LRFN2: variants seen among roughly 807,000 people sequenced by gnomAD.
LRFN2 encodes leucine-rich repeat and fibronectin type-III domain-containing protein 2.
Under a neutral mutation model 37.3 loss-of-function variants are expected in LRFN2, and 18 were observed. The ratio of observed to expected loss-of-function variants is 0.48; its 90% CI spans 0.33 to 0.72. The LOEUF (loss-of-function observed/expected upper bound fraction) is 0.72, where lower values mean the gene tolerates loss of function less well. Among genes scored for constraint, LRFN2 ranks in the 30% least tolerant of loss-of-function variants. LRFN2 has a pLI of 0.02. For missense variants in LRFN2, 1,006 were observed against 1,060.7 expected (o/e 0.95, Z 0.72); for synonymous variants, 556 against 466.6 (o/e 1.19, Z -2.47).
intron 1 of LRFN2, among the ~76,000 whole-genome samples, chr6:40,551,497 C>T (rs1048188698): frequency 6.6e-6 from 1 of 152,206 alleles, no homozygotes. Flanking sequence ...TACCCTTGAT[C>T]GTTTCAACTA....
rs112922535 is a variant in LRFN2, at chr6:40,532,481, G to A, written c.-19+54460C>T. On this transcript the variant is annotated intron_variant, in intron 1 of 2. Transcript: ENST00000338305. ...CCATTATTCTCATTTCATAGATGAAGGCTCAGAGAAGTTAAGTCACCAACC... is the reference window on the plus strand; with the variant it reads ...CCATTATTCTCATTTCATAGATGAAAGCTCAGAGAAGTTAAGTCACCAACC... 5.0e-3 allele frequency among the ~76,000 whole-genome samples: 759 copies of A among 152,290 alleles called. 2 individuals are homozygous for A. The highest frequency in any genetic ancestry group is 0.017 in the African/African-American group (715 of 41,564).
At chr6:40,515,936 A>C (rs1765858251) in intron 1 of LRFN2, among the ~76,000 whole-genome samples, 1 of 150,348 alleles carries the variant, frequency 6.7e-6, no homozygotes, top group Non-Finnish European at 1.5e-5. Flanking sequence ...CCATTGCCTC[A>C]GCATACAGGT....
intron 1 of LRFN2, among the ~76,000 whole-genome samples, chr6:40,481,545 G>A (rs1023740388): frequency 1.3e-5 from 2 of 152,038 alleles, no homozygotes; most frequent in Non-Finnish European, 2.9e-5. Context: ...CCTATCTCGG[G>A]GATCAGAATC....
intron 1 of LRFN2, among the ~76,000 whole-genome samples, chr6:40,514,704 TG>T (rs1765810547): frequency 6.6e-6 from 1 of 152,232 alleles, no homozygotes; most frequent in Admixed American, 6.5e-5. Context: ...AATAAACTTT[TG>T]GCTTTTGACT....
In LRFN2 at chr6:40,584,651, A is replaced by C. The variant is rs186334954; in HGVS notation, c.-19+2290T>G. Among the ~76,000 whole-genome samples the C allele has an allele frequency of 4.2e-4, 64 of 152,252 alleles. No homozygotes were observed. The South Asian group carries it at 6.0e-3, about 14-fold the overall frequency. On this transcript the variant is annotated intron_variant, in intron 1 of 2. Coordinates refer to ENST00000338305, the MANE Select transcript of LRFN2 (RefSeq NM_020737.3). The stretch of plus-strand genomic sequence containing the variant: ...TTAGGAAAGGGGAGTTTCTGAAAAC[A>C]ATTAATTCCAATTTCACTTCTCCAC...
chr6:40,401,961 T>G (rs1762749935), intron 2 of LRFN2, among the ~76,000 whole-genome samples: 1 of 152,128 alleles, frequency 6.6e-6, no homozygotes, highest in Non-Finnish European at 1.5e-5. Flanking sequence ...TACTGGCTCT[T>G]CACAGAACCA....
intron 2 of LRFN2, among the ~76,000 whole-genome samples, chr6:40,415,382 T>G (rs1185154524): frequency 6.6e-6 from 1 of 152,038 alleles, no homozygotes; most frequent in South Asian, 2.1e-4. Flanking sequence ...CGTGCCACCA[T>G]GGCCAGCTAA....
In LRFN2 at chr6:40,432,589, G is replaced by A; in HGVS notation, c.525C>T (p.Leu175=). The A allele has an allele frequency of 6.2e-7, 1 of 1,614,262 alleles. No homozygotes were observed. Among genetic ancestry groups the A allele is most frequent in the Non-Finnish European group, 8.5e-7 (1 of 1,180,048 alleles). The change falls in exon 2 of 3, where the codon CTC becomes CTT. Residue 175 remains leucine (L), a synonymous_variant. Transcript: ENST00000338305. ...PWDSVRRMVN[L]HQLSLDHNLL... Reference sequence around the variant, plus strand: ...GGTTGTGGTCCAGGCTCAGCTGGTGGAGGTTGACCATGCGTCGCACGGAGT... The same window carrying A: ...GGTTGTGGTCCAGGCTCAGCTGGTGAAGGTTGACCATGCGTCGCACGGAGT...
chr6:40,503,694 C>T (rs1424199384), intron 1 of LRFN2, among the ~76,000 whole-genome samples: 1 of 152,104 alleles, frequency 6.6e-6, no homozygotes, highest in Non-Finnish European at 1.5e-5. Flanking sequence ...AGCACTGGGC[C>T]TTGTGGAGCC....
At chr6:40,576,361 G>A (rs775785004) in intron 1 of LRFN2, among the ~76,000 whole-genome samples, 1 of 152,178 alleles carries the variant, frequency 6.6e-6, no homozygotes, top group Non-Finnish European at 1.5e-5. Flanking sequence ...GAGAAAGGCC[G>A]AGCAGAACAG....
chr6:40,569,430 G>C (rs1195942526), intron 1 of LRFN2, among the ~76,000 whole-genome samples: 1 of 152,184 alleles, frequency 6.6e-6, no homozygotes, highest in Non-Finnish European at 1.5e-5. Context: ...GTGTGGACTA[G>C]AGAATCTTCA....
chr6:40,488,302 G>C (rs1477260374), intron 1 of LRFN2, among the ~76,000 whole-genome samples: 1 of 152,002 alleles, frequency 6.6e-6, no homozygotes, highest in Non-Finnish European at 1.5e-5. Context: ...TTCCAGACCA[G>C]ACCTTTCTTC....
intron 1 of LRFN2, among the ~76,000 whole-genome samples, chr6:40,477,875 C>G (rs994191431): frequency 3.3e-5 from 5 of 152,172 alleles, no homozygotes; most frequent in Non-Finnish European, 7.3e-5. Context: ...TCTCCAAGCT[C>G]GGGAAGGAGA....
chr6:40,569,774 C>T (rs1767154931), intron 1 of LRFN2, among the ~76,000 whole-genome samples: 1 of 152,164 alleles, frequency 6.6e-6, no homozygotes, highest in Non-Finnish European at 1.5e-5. Context: ...AGGCCAAGTT[C>T]CTTAAAGGCA....
At chr6:40,504,932 T>A (rs560209681) in intron 1 of LRFN2, among the ~76,000 whole-genome samples, 158 of 152,346 alleles carry the variant, frequency 1.0e-3, no homozygotes, top group African/African-American at 3.7e-3. Flanking sequence ...CCCTAAAAAC[T>A]GCCCTCCTTT....
At chr6:40,475,816 G>A (rs1451757331) in intron 1 of LRFN2, among the ~76,000 whole-genome samples, 6 of 152,116 alleles carry the variant, frequency 3.9e-5, no homozygotes, top group Admixed American at 3.3e-4. Context: ...ACCCTTCCCA[G>A]GTTACAGAAG....
chr6:40,569,464 G>A (rs1281989303), intron 1 of LRFN2, among the ~76,000 whole-genome samples: 1 of 152,208 alleles, frequency 6.6e-6, no homozygotes, highest in Non-Finnish European at 1.5e-5. Context: ...GTCTGGCTTA[G>A]AAACCAGAAG....
At chr6:40,465,628 TG>T (rs1249621013) in intron 1 of LRFN2, among the ~76,000 whole-genome samples, 2 of 152,160 alleles carry the variant, frequency 1.3e-5, no homozygotes, top group African/African-American at 4.8e-5. Context: ...CACAAAAACC[TG>T]GGCTCTCCTG....
At chr6:40,422,682 T>C (rs1464969484) in intron 2 of LRFN2, among the ~76,000 whole-genome samples, 1 of 152,194 alleles carries the variant, frequency 6.6e-6, no homozygotes, top group Non-Finnish European at 1.5e-5. Flanking sequence ...TGGCCACCAC[T>C]ACAGCATTGT....
Sources: gnomAD v4.1 joint callset for allele counts (sites outside exome capture counted in the v4.1 genomes callset) on GRCh38, gnomAD v4.1.1 for gene constraint, MANE v1.5 for transcripts, NCBI Gene and HGNC (gene_info 2026-07-23, HGNC 2026-07-21) for gene names.